The following NME7 variants were observed in gnomAD, a reference collection of about 807,000 sequenced individuals.
The protein encoded by NME7 is NME/NM23 family member 7.
NME7 carries 41 observed loss-of-function variants against 49.1 expected under a neutral mutation model. The observed-to-expected ratio is 0.83, with a 90% CI of 0.65 to 1.08. NME7 has a LOEUF of 1.08. Among genes scored for constraint, NME7 ranks in the 50% least tolerant of loss-of-function variants. The pLI, the probability that NME7 is intolerant of heterozygous loss-of-function variation, is 0.00. For missense variants in NME7, 423 were observed against 463.4 expected (o/e 0.91, Z 0.80); for synonymous variants, 139 against 150.6 (o/e 0.92, Z 0.56).
At chr1:169,297,837 A>C (rs556142515) in intron 6 of NME7, among the ~76,000 whole-genome samples, 1 of 152,328 alleles carries the variant, frequency 6.6e-6, no homozygotes, top group East Asian at 1.9e-4. Flanking sequence ...CTATTGTAGC[A>C]GTTCTGGCAA....
At chr1:169,318,826 G>A (rs897581212) in intron 3 of NME7, among the ~76,000 whole-genome samples, 4 of 151,948 alleles carry the variant, frequency 2.6e-5, no homozygotes, top group Non-Finnish European at 4.4e-5. Flanking sequence ...AGTCTTTTTT[G>A]CCTCTGAGAA....
intron 1 of NME7, among the ~76,000 whole-genome samples, chr1:169,346,921 G>C (rs756450605): frequency 9.9e-5 from 15 of 152,154 alleles, no homozygotes; most frequent in Non-Finnish European, 1.9e-4. Flanking sequence ...TCTTTGCCAG[G>C]CACTGCAACA....
intron 3 of NME7, among the ~76,000 whole-genome samples, chr1:169,321,750 TATC>T (rs1325433639): frequency 6.6e-6 from 1 of 152,206 alleles, no homozygotes; most frequent in Non-Finnish European, 1.5e-5. Flanking sequence ...CAGAAAGAGA[TATC>T]ATATTACTAT....
intron 3 of NME7, among the ~76,000 whole-genome samples, chr1:169,322,690 A>T (rs1399773643): frequency 6.6e-6 from 1 of 151,094 alleles, no homozygotes; most frequent in Non-Finnish European, 1.5e-5. Context: ...ATATATATAT[A>T]TATCTGTTAA....
intron 1 of NME7, among the ~76,000 whole-genome samples, chr1:169,362,189 T>C (rs764480178): frequency 2.0e-4 from 31 of 152,248 alleles, no homozygotes; most frequent in Non-Finnish European, 4.1e-4. Flanking sequence ...GCCAGGGTGA[T>C]AGAGTGAGAC....
intron 1 of NME7, among the ~76,000 whole-genome samples, chr1:169,350,447 A>G (rs1653128759): frequency 7.2e-5 from 11 of 152,032 alleles, no homozygotes; most frequent in Admixed American, 7.2e-4. Context: ...CCAGAAGACT[A>G]CAGCCTGTGC....
chr1:169,259,722 A>T lies in NME7; in HGVS notation c.755-22035T>A, dbSNP rs1229904120. On this transcript the variant is annotated intron_variant, in intron 7 of 11. Transcript: ENST00000367811. The stretch of plus-strand genomic sequence containing the variant: ...TTCATTTATTAAACTTTCATTTCAT[A>T]TATGAAACTTCATATTCTGATTCAG... Among the ~76,000 whole-genome samples, 2 of 134,236 alleles carry T rather than the reference A, an allele frequency of 1.5e-5. 1 individual carries two copies. The highest frequency in any genetic ancestry group is 3.5e-5 in the Non-Finnish European group (2 of 57,056). 88.1% of individuals were successfully genotyped at this position (134,236 alleles called of 152,430 possible).
chr1:169,239,384 G>A (rs537124566), intron 7 of NME7, among the ~76,000 whole-genome samples: 25 of 152,114 alleles, frequency 1.6e-4, no homozygotes, highest in African/African-American at 5.8e-4. Context: ...TGGATACAGA[G>A]TATGAAGATG....
intron 10 of NME7, among the ~76,000 whole-genome samples, chr1:169,202,986 G>A (rs1366422333): frequency 6.6e-6 from 1 of 152,020 alleles, no homozygotes; most frequent in Non-Finnish European, 1.5e-5. Context: ...AGGGAGGGTG[G>A]GTCCTCAGTT....
Position 169,298,632 on chromosome 1 carries a change from C to T in NME7, c.572G>A (p.Ser191Asn). The change falls in exon 6 of 12, where the codon AGC (serine) becomes AAC (asparagine). Residue 191 changes from serine (S) to asparagine (N), a missense_variant. Transcript: ENST00000367811. Reference sequence around the variant, plus strand: ...ATCTGTTCCAAAGAGGGCTCTAATGCTTTCAGAAGCATCTGTGCGTGCCAC... The same window carrying T: ...ATCTGTTCCAAAGAGGGCTCTAATGTTTTCAGAAGCATCTGTGCGTGCCAC... ...SGVARTDASE[S>N]IRALFGTDGI... 1 of 1,613,988 alleles carries T rather than the reference C, an allele frequency of 6.2e-7. No individual in the cohort carries two copies. The highest frequency in any genetic ancestry group is 8.5e-7 in the Non-Finnish European group (1 of 1,179,914).
chr1:169,335,589 G>C (rs567430037), intron 1 of NME7, among the ~76,000 whole-genome samples: 1 of 151,710 alleles, frequency 6.6e-6, no homozygotes, highest in East Asian at 1.9e-4. Context: ...TAGGGGACGA[G>C]TCAATAGGTG....
chr1:169,352,551 T>C (rs1437324255), intron 1 of NME7, among the ~76,000 whole-genome samples: 3 of 152,200 alleles, frequency 2.0e-5, no homozygotes, highest in South Asian at 4.1e-4. Flanking sequence ...ACCACTGTTA[T>C]TCAACATAGG....
chr1:169,228,227 C>G (rs920270136), intron 10 of NME7, among the ~76,000 whole-genome samples: 1 of 152,014 alleles, frequency 6.6e-6, no homozygotes, highest in African/African-American at 2.4e-5. Context: ...TATATATTCA[C>G]AAATACTGAC....
rs1390903260 is a variant in NME7 at position 169,265,386 on chromosome 1, G to A, written c.754+21917C>T. Among the ~76,000 whole-genome samples the A allele has an allele frequency of 3.0e-5, 4 of 133,226 alleles. 1 individual carries two copies. The highest frequency in any genetic ancestry group is 3.0e-4 in the Admixed American group (4 of 13,526). The allele number at this position is 133,226 out of a possible 152,430, so 87.4% of individuals were successfully genotyped here. ...ACAACCTGCTCCTGAATGACTCTTA[G>A]GTAAATAATGAAATTAAGGCAGAAA... On this transcript the variant is annotated intron_variant, in intron 7 of 11. Transcript: ENST00000367811.
At chr1:169,230,993 T>C (rs1395285316) in intron 9 of NME7, among the ~76,000 whole-genome samples, 174 bp from the exon 10 acceptor site, 1 of 152,226 alleles carries the variant, frequency 6.6e-6, no homozygotes, top group Non-Finnish European at 1.5e-5. Flanking sequence ...AAGAATATTT[T>C]TTAGATATGC....
At position 169,285,553 on chromosome 1, in the gene NME7, A is replaced by AAAACAAAC. The variant is rs34654692; in HGVS notation, c.754+1742_754+1749dup. On this transcript the variant is annotated intron_variant, in intron 7 of 11. Transcript: ENST00000367811. ...TATAGAGGGAACAGAATGGAGATTAAAAACAAACAAACAAACAAACAGGGT... is the reference window on the plus strand; with the variant it reads ...TATAGAGGGAACAGAATGGAGATTAAAAACAAACAAACAAACAAACAAACAAACAGGGT... 2.4e-4 allele frequency: 37 copies of AAAACAAAC among 151,860 alleles called. No individual in the cohort carries two copies. The East Asian group carries it at 5.5e-3, about 23-fold the overall frequency. The allele number at this position is 151,860 out of a possible 1,614,324, so 9.4% of individuals were successfully genotyped here.
rs537187717 is a variant in NME7, at chr1:169,239,934, T to C, written c.755-2247A>G. Among the ~76,000 whole-genome samples the C allele has an allele frequency of 3.9e-5, 6 of 152,168 alleles. No individual in the cohort carries two copies. The East Asian group carries it at 9.6e-4, about 24-fold the overall frequency. ...CCATGATAGAAGGACTTATGGACCA[T>C]ATACAGAGGTTTGGATTTTATCCTG... On this transcript the variant is annotated intron_variant, in intron 7 of 11. Transcript: ENST00000367811.
intron 7 of NME7, among the ~76,000 whole-genome samples, chr1:169,277,340 C>T (rs1232662130): frequency 7.0e-6 from 1 of 142,686 alleles, no homozygotes; most frequent in Non-Finnish European, 1.5e-5. Flanking sequence ...TTGTAGGTCA[C>T]TCAGGACTTG....
At chr1:169,167,316 G>A (rs1287538588) in intron 11 of NME7, among the ~76,000 whole-genome samples, 1 of 151,954 alleles carries the variant, frequency 6.6e-6, no homozygotes, top group African/African-American at 2.4e-5. Flanking sequence ...AATATTTGGG[G>A]AAGGCTTTTC....
Sources: gnomAD v4.1 joint callset for allele counts (sites outside exome capture counted in the v4.1 genomes callset) on GRCh38, gnomAD v4.1.1 for gene constraint, MANE v1.5 for transcripts, NCBI Gene and HGNC (gene_info 2026-07-23, HGNC 2026-07-21) for gene names.